RMND5A: variants seen among roughly 807,000 people sequenced by gnomAD.
RMND5A encodes E3 ubiquitin-protein transferase RMND5A.
Under a neutral mutation model 49.7 loss-of-function variants are expected in RMND5A, and 17 were observed. The observed-to-expected ratio is 0.34, with a 90% CI of 0.23 to 0.51. The LOEUF is 0.51. Ranked by LOEUF, RMND5A falls within the 20% of genes least tolerant of loss-of-function variation. The pLI is 0.96. For synonymous variants in RMND5A, 156 were observed against 167.7 expected (o/e 0.93, Z 0.54); for missense variants, 255 against 471.3 (o/e 0.54, Z 4.25).
Position 86,773,645 on chromosome 2 carries a change from G to A in RMND5A, c.*234G>A. On this transcript the variant is annotated 3_prime_UTR_variant, in exon 9 of 9. Transcript: ENST00000283632. ...CATTTCTGATCAAGTAAATACACCA[G>A]CAGTTGTCATTCAATGCAGGTTTTT... The A allele has an allele frequency of 2.9e-6, 1 of 342,372 alleles. No individual in the cohort carries two copies. The highest frequency in any genetic ancestry group is 5.3e-6 in the Non-Finnish European group (1 of 190,030). 21.2% of individuals were successfully genotyped at this position (342,372 alleles called of 1,614,324 possible). A position where few individuals can be genotyped will look rare whatever the true frequency, so the allele number is the denominator to read the frequency against.
intron 8 of RMND5A, 111 bp downstream of exon 8, chr2:86,771,823 T>A: frequency 2.3e-6 from 2 of 882,536 alleles, no homozygotes; most frequent in Non-Finnish European, 3.4e-6. Context: ...TAGAACTAAA[T>A]AAATTTCTTA....
intron 2 of RMND5A, among the ~76,000 whole-genome samples, chr2:86,743,704 G>A (rs1470063654): frequency 1.3e-5 from 2 of 151,986 alleles, no homozygotes; most frequent in African/African-American, 2.4e-5. Flanking sequence ...TTATTTAGTC[G>A]GCTGGGCGTG....
At position 86,773,683 on chromosome 2, in the gene RMND5A, A is replaced by T. The variant is rs761115400; in HGVS notation, c.*272A>T. On this transcript the variant is annotated 3_prime_UTR_variant, in exon 9 of 9. Coordinates refer to ENST00000283632, the MANE Select transcript of RMND5A (RefSeq NM_022780.4). ...AATGCAGGTTTTTGTACTTAATTATATGGTGATTTTTTTACTTTTTAAGAG... is the reference window on the plus strand; with the variant it reads ...AATGCAGGTTTTTGTACTTAATTATTTGGTGATTTTTTTACTTTTTAAGAG... 1 of 269,186 alleles carries T rather than the reference A, an allele frequency of 3.7e-6. No individual in the cohort carries two copies. Among genetic ancestry groups the T allele is most frequent in the African/African-American group, 2.2e-5 (1 of 45,578 alleles). The allele number at this position is 269,186 out of a possible 1,614,324, so 16.7% of individuals were successfully genotyped here.
At chr2:86,761,467 C>T (rs1672487978) in intron 4 of RMND5A, among the ~76,000 whole-genome samples, 1 of 152,044 alleles carries the variant, frequency 6.6e-6, no homozygotes, top group Non-Finnish European at 1.5e-5. Context: ...AGAGAGAGGT[C>T]CTATCATGTC....
intron 1 of RMND5A, among the ~76,000 whole-genome samples, chr2:86,740,588 G>GTCAT (rs1329478908): frequency 8.5e-6 from 1 of 118,060 alleles, no homozygotes; most frequent in African/African-American, 3.3e-5. Flanking sequence ...GACTTGAACA[G>GTCAT]TGTAACTGGG....
In RMND5A at chr2:86,774,820, A is replaced by G. The variant is rs936557410; in HGVS notation, c.*1409A>G. The G allele has an allele frequency of 6.6e-6, 1 of 152,654 alleles. No homozygotes were observed. The highest frequency in any genetic ancestry group is 1.5e-5 in the Non-Finnish European group (1 of 68,052). The allele number at this position is 152,654 out of a possible 1,614,324, so 9.5% of individuals were successfully genotyped here. ...TGGCACTTCACATTTTAAACTACAG[A>G]TGGACTTGGTTTGAGGGAGGGGGAA... On this transcript the variant is annotated 3_prime_UTR_variant, in exon 9 of 9. Coordinates refer to ENST00000283632, the MANE Select transcript of RMND5A (RefSeq NM_022780.4).
At chr2:86,754,890 G>C (rs1184904753) in intron 4 of RMND5A, among the ~76,000 whole-genome samples, 1 of 151,992 alleles carries the variant, frequency 6.6e-6, no homozygotes, top group Admixed American at 6.6e-5. Flanking sequence ...ATTTTGTGTA[G>C]TTCTAAAACC....
In RMND5A at chr2:86,765,842, G is replaced by C; in HGVS notation, c.689-17G>C. 6.2e-7 allele frequency: 1 copy of C among 1,611,412 alleles called. No homozygotes were observed. Among genetic ancestry groups the C allele is most frequent in the Non-Finnish European group, 8.5e-7 (1 of 1,178,484 alleles). ...ACTGCAAGCAAACTAATGCTTTCTT[G>C]CTGGTGCTTTTTTTAGACATTCAGG... On this transcript the variant is annotated splice_polypyrimidine_tract_variant and intron_variant, in intron 5 of 8. Coordinates refer to ENST00000283632, the MANE Select transcript of RMND5A (RefSeq NM_022780.4).
Position 86,777,383 on chromosome 2 carries a change from G to A in RMND5A, c.*3972G>A, listed in dbSNP as rs1392028065. On this transcript the variant is annotated 3_prime_UTR_variant, in exon 9 of 9. Coordinates refer to ENST00000283632, the MANE Select transcript of RMND5A (RefSeq NM_022780.4). The stretch of plus-strand genomic sequence containing the variant: ...GGCGGGAATGAATGTGTTGGGGCTG[G>A]GAGGGAAGCAGAAGAAAATGGGAGT... 1.3e-5 allele frequency: 2 copies of A among 152,178 alleles called. No individual in the cohort carries two copies. The highest frequency in any genetic ancestry group is 2.9e-5 in the Non-Finnish European group (2 of 68,042). 9.4% of individuals were successfully genotyped at this position (152,178 alleles called of 1,614,324 possible). A position where few individuals can be genotyped will look rare whatever the true frequency, so the allele number is the denominator to read the frequency against.
At chr2:86,771,945 A>G (rs1200811682) in intron 8 of RMND5A, among the ~76,000 whole-genome samples, 4 of 152,200 alleles carry the variant, frequency 2.6e-5, no homozygotes, top group African/African-American at 4.8e-5. Flanking sequence ...GGGGTAGGTG[A>G]TAGATTTTCC....
chr2:86,720,544 G>T lies in RMND5A; in HGVS notation c.-124G>T. On this transcript the variant is annotated 5_prime_UTR_variant, in exon 1 of 9. Coordinates refer to ENST00000283632, the MANE Select transcript of RMND5A (RefSeq NM_022780.4). ...CCGCGGCTAGTGCGCCCGCCGCCTCGGCCGCCTCAGCCTCCCGCGCCGCCC... is the reference window on the plus strand; with the variant it reads ...CCGCGGCTAGTGCGCCCGCCGCCTCTGCCGCCTCAGCCTCCCGCGCCGCCC... 2.6e-6 allele frequency: 2 copies of T among 756,760 alleles called. No individual in the cohort carries two copies. Among genetic ancestry groups the T allele is most frequent in the Non-Finnish European group, 1.7e-6 (1 of 573,448 alleles). 46.9% of individuals were successfully genotyped at this position (756,760 alleles called of 1,614,324 possible).
At chr2:86,759,779 A>G (rs760808367) in intron 4 of RMND5A, among the ~76,000 whole-genome samples, 43 of 151,954 alleles carry the variant, frequency 2.8e-4, no homozygotes, top group Non-Finnish European at 5.4e-4. Context: ...CAGCCTGGGC[A>G]ACAGAATGAG....
chr2:86,773,360 C>A lies in RMND5A; in HGVS notation c.1125C>A (p.Pro375=), dbSNP rs1672713805. 1.2e-6 allele frequency: 2 copies of A among 1,604,070 alleles called. No homozygotes were observed. Among genetic ancestry groups the A allele is most frequent in the African/African-American group, 1.3e-5 (1 of 74,736 alleles). The stretch of plus-strand genomic sequence containing the variant: ...TCTTTGTCTTTAGATTAAAATGTCC[C>A]TACTGTCCAATGGAACAAAGTCCAG... ...KMFNGSKLKC[P]YCPMEQSPGD... Residue 375 remains proline (P), a synonymous_variant, in exon 9 of 9, where the codon CCC becomes CCA. Coordinates refer to ENST00000283632, the MANE Select transcript of RMND5A (RefSeq NM_022780.4).
chr2:86,754,966 G>T (rs1681705488), intron 4 of RMND5A, among the ~76,000 whole-genome samples: 1 of 152,082 alleles, frequency 6.6e-6, no homozygotes, highest in Non-Finnish European at 1.5e-5. Flanking sequence ...AATTATAATA[G>T]ATCTCACTTA....
chr2:86,760,236 G>A (rs1255161237), intron 4 of RMND5A, among the ~76,000 whole-genome samples: 1 of 152,122 alleles, frequency 6.6e-6, no homozygotes, highest in Non-Finnish European at 1.5e-5. Context: ...TAGAGATGGG[G>A]TTTCTCCATG....
At position 86,753,568 on chromosome 2, in the gene RMND5A, GA is replaced by G. The variant is rs1164063619; in HGVS notation, c.521+11del. The G allele has an allele frequency of 6.8e-7, 1 of 1,461,446 alleles. No homozygotes were observed. Among genetic ancestry groups the G allele is most frequent in the African/African-American group, 1.4e-5 (1 of 71,172 alleles). 90.5% of individuals were successfully genotyped at this position (1,461,446 alleles called of 1,614,324 possible). On this transcript the variant is annotated intron_variant, in intron 4 of 8. Coordinates refer to ENST00000283632, the MANE Select transcript of RMND5A (RefSeq NM_022780.4). ...TGAGACCTGCTCTGGAGTGAGTATT[GA>G]GTTTGCTTTCTTTTGAGTACTTTGA...
intron 4 of RMND5A, among the ~76,000 whole-genome samples, chr2:86,762,454 G>A (rs932457950): frequency 3.3e-5 from 5 of 151,834 alleles, no homozygotes; most frequent in Non-Finnish European, 5.9e-5. Flanking sequence ...AGACCAGCCT[G>A]GCCAACATGG....
chr2:86,770,103 G>C lies in RMND5A; in HGVS notation c.935G>C (p.Trp312Ser), dbSNP rs775915357. Residue 312 changes from tryptophan to serine, a missense_variant, in exon 7 of 9, where the codon TGG (tryptophan) becomes TCG (serine). Transcript: ENST00000283632. ...GAACAGAGGCAGTGTACTGGAGTTT[G>C]GAACCAGAAAGATGAATTACCTGTG... is the stretch of plus-strand genomic sequence containing the variant. ...VIEQRQCTGVWNQKDELPIEV... is the reference protein window; with the variant it reads ...VIEQRQCTGVSNQKDELPIEV... The C allele has an allele frequency of 6.2e-7, 1 of 1,613,532 alleles. No homozygotes were observed. Among genetic ancestry groups the C allele is most frequent in the Non-Finnish European group, 8.5e-7 (1 of 1,179,496 alleles).
intron 1 of RMND5A, among the ~76,000 whole-genome samples, chr2:86,732,372 T>G (rs928296938): frequency 6.0e-5 from 9 of 149,602 alleles, no homozygotes; most frequent in African/African-American, 2.3e-4. Flanking sequence ...AGATACTGAG[T>G]AGGGATGAGA....
Sources: gnomAD v4.1 joint callset for allele counts (sites outside exome capture counted in the v4.1 genomes callset) on GRCh38, gnomAD v4.1.1 for gene constraint, MANE v1.5 for transcripts, NCBI Gene and HGNC (gene_info 2026-07-23, HGNC 2026-07-21) for gene names.